The following TRPC3 variants were observed in gnomAD, a reference collection of about 807,000 sequenced individuals.
TRPC3 encodes short transient receptor potential channel 3.
Under a neutral mutation model 90.9 loss-of-function variants are expected in TRPC3, and 54 were observed. That is an observed-to-expected ratio of 0.59 (90% confidence interval 0.48 to 0.75). TRPC3 has a LOEUF of 0.75. TRPC3 is among the 30% of genes least tolerant of loss of function. The probability of loss-of-function intolerance (pLI) is 0.00; values close to 1 mark genes in which losing one functional copy is unlikely to be tolerated. For synonymous variants in TRPC3, 424 were observed against 450.9 expected, an observed-to-expected ratio of 0.94 and a Z score of 0.75; for missense variants, 918 against 1,194.5, an observed-to-expected ratio of 0.77 and a Z score of 3.41.
chr4:121,927,577 T>C (rs993986230), intron 2 of TRPC3, among the ~76,000 whole-genome samples: 4 of 152,194 alleles, frequency 2.6e-5, no homozygotes, highest in Non-Finnish European at 5.9e-5. Flanking sequence ...AAAAGACATG[T>C]GAAAAATTTC....
chr4:121,916,980 G>A (rs1236049898), intron 3 of TRPC3, among the ~76,000 whole-genome samples: 2 of 152,122 alleles, frequency 1.3e-5, no homozygotes, highest in Non-Finnish European at 2.9e-5. Flanking sequence ...CTCTGAAAGT[G>A]CTGGGATTAC....
rs79997325 is a variant in TRPC3 at position 121,879,232 on chromosome 4, A to T, written c.*504T>A. ...TTGTAAAATGTCTTCAGTTTCTATT[A>T]AAAAAAAAAAAAAAAAACCTCTTCA... is the stretch of plus-strand genomic sequence containing the variant. On this transcript the variant is annotated 3_prime_UTR_variant, in exon 12 of 12. Coordinates refer to ENST00000379645, the MANE Select transcript of TRPC3 (RefSeq NM_001130698.2). The T allele has an allele frequency of 3.2e-5, 3 of 94,868 alleles. No individual in the cohort carries two copies. The highest frequency in any genetic ancestry group is 2.7e-4 in the South Asian group (1 of 3,646). 5.9% of individuals were successfully genotyped at this position (94,868 alleles called of 1,614,324 possible). A position where few individuals can be genotyped will look rare whatever the true frequency, so the allele number is the denominator to read the frequency against.
rs1399164212 is a variant in TRPC3 at position 121,932,121 on chromosome 4, G to A, written c.987+150C>T. 4 of 1,242,662 alleles carry A rather than the reference G, an allele frequency of 3.2e-6. No homozygotes were observed. Among genetic ancestry groups the A allele is most frequent in the African/African-American group, 3.0e-5 (2 of 65,850 alleles). The allele number at this position is 1,242,662 out of a possible 1,614,324, so 77.0% of individuals were successfully genotyped here. ...ATTGAGAGGGAGAAAGAAAACATTA[G>A]ATGAGGTCTGAATGACGTTCTCAGT... On this transcript the variant is annotated intron_variant, in intron 2 of 11. Transcript: ENST00000379645. The surrounding 1 kb of genome is among the most constrained non-coding windows in gnomAD (Gnocchi z 7.7).
At chr4:121,914,209 C>G (rs1473280830) in intron 4 of TRPC3, among the ~76,000 whole-genome samples, 1 of 152,182 alleles carries the variant, frequency 6.6e-6, no homozygotes, top group Non-Finnish European at 1.5e-5. Context: ...ATCTAAAACC[C>G]CTGAACCTAA....
At chr4:121,884,105 C>T (rs1159534112) in intron 10 of TRPC3, among the ~76,000 whole-genome samples, 2 of 152,104 alleles carry the variant, frequency 1.3e-5, no homozygotes, top group Admixed American at 6.6e-5. Context: ...GAAATTAATG[C>T]ACCATAGCCA....
At chr4:121,911,771 T>C in intron 5 of TRPC3, 106 bp downstream of exon 5, 5 of 1,134,446 alleles carry the variant, frequency 4.4e-6, no homozygotes, top group Non-Finnish European at 6.1e-6. Flanking sequence ...AACAGTGATG[T>C]TGTCACCATA....
chr4:121,915,487 A>G (rs1417060794), intron 3 of TRPC3, among the ~76,000 whole-genome samples: 1 of 152,196 alleles, frequency 6.6e-6, no homozygotes, highest in African/African-American at 2.4e-5. Flanking sequence ...AAAATAATCA[A>G]TTGAACTTGC....
At chr4:121,920,489 A>T (rs912316215) in intron 3 of TRPC3, among the ~76,000 whole-genome samples, 3 of 152,116 alleles carry the variant, frequency 2.0e-5, no homozygotes, top group Admixed American at 1.3e-4. Context: ...TCGCCACTGC[A>T]CTCAAGCCTG....
intron 10 of TRPC3, 102 bp from the exon 11 acceptor site, chr4:121,882,531 G>A: frequency 2.0e-6 from 2 of 1,009,922 alleles, no homozygotes; most frequent in South Asian, 4.0e-5. Context: ...AACAACTCAG[G>A]GGAGAAAAAA....
chr4:121,904,328 T>C lies in TRPC3; in HGVS notation c.2247A>G (p.Glu749=). The part of the protein sequence containing the change: ...LIAMINSSYQ[E]IEDDSDVEWK... ...GGATAGAAAACCGATTTACCTCAATTTCTTGATATGAGCTATTAATCATAG... is the reference window on the plus strand; with the variant it reads ...GGATAGAAAACCGATTTACCTCAATCTCTTGATATGAGCTATTAATCATAG... Residue 749 remains glutamate (E), a synonymous_variant, in exon 8 of 12, where the codon GAA becomes GAG. Transcript: ENST00000379645. 6.3e-7 allele frequency: 1 copy of C among 1,596,972 alleles called. No individual in the cohort carries two copies. Among genetic ancestry groups the C allele is most frequent in the East Asian group, 2.2e-5 (1 of 44,544 alleles).
intron 3 of TRPC3, among the ~76,000 whole-genome samples, chr4:121,924,238 G>A (rs766709993): frequency 2.8e-4 from 43 of 152,110 alleles, no homozygotes; most frequent in Non-Finnish European, 4.7e-4. Context: ...TTGCTGCAAG[G>A]ATTCACATAA....
At chr4:121,927,257 G>T (rs757342397) in intron 2 of TRPC3, among the ~76,000 whole-genome samples, 7 of 152,246 alleles carry the variant, frequency 4.6e-5, no homozygotes, top group Middle Eastern at 6.8e-3. Flanking sequence ...CTGCCATAAG[G>T]AAGTCAGCTG....
intron 3 of TRPC3, among the ~76,000 whole-genome samples, chr4:121,921,150 C>G (rs530232793): frequency 2.4e-4 from 36 of 152,308 alleles, no homozygotes; most frequent in Admixed American, 5.9e-4. Flanking sequence ...AAGACCAGAT[C>G]TCTGGGAATC....
Position 121,932,926 on chromosome 4 carries a change from G to A in TRPC3, c.332C>T (p.Ala111Val). ...MFNDRGTSLT[A>V]EEERFLDAAE... is the part of the protein sequence containing the mutation. ...GGCGTCGAGGAAGCGCTCCTCCTCG[G>A]CGGTGAGGCTGGTGCCGCGGTCATT... The change falls in exon 2 of 12, where the codon GCC (alanine) becomes GTC (valine). Residue 111 changes from alanine to valine, a missense_variant. Physicochemically the swap from Ala to Val is moderately conservative, Grantham distance 64. This residue lies in a region of TRPC3 where 609 missense variants were observed against 725.9 expected (regional missense o/e 0.84). Transcript: ENST00000379645. This position sits in a 1 kb window ranked among gnomAD's most constrained non-coding sequence, Gnocchi z 7.7. 1 of 1,614,062 alleles carries A rather than the reference G, an allele frequency of 6.2e-7. No individual in the cohort carries two copies. The highest frequency in any genetic ancestry group is 1.6e-4 in the Middle Eastern group (1 of 6,062).
chr4:121,930,830 T>TTA (rs1729880234), intron 2 of TRPC3: 4 of 190,268 alleles, frequency 2.1e-5, no homozygotes, highest in South Asian at 4.5e-5. Flanking sequence ...CTCTGAGATC[T>TTA]AAAAAAAAAA....
In TRPC3 at chr4:121,907,351, A is replaced by G; in HGVS notation, c.2009T>C (p.Ile670Thr). The G allele has an allele frequency of 6.2e-7, 1 of 1,613,256 alleles. No homozygotes were observed. Among genetic ancestry groups the G allele is most frequent in the Non-Finnish European group, 8.5e-7 (1 of 1,179,432 alleles). ...AGCCCCAAGGTAGTAAGAATAAAGT[A>G]TGAACATGCCAATCATAAAGGCAAA... ...VFFAFMIGMF[I>T]LYSYYLGAKV... is the part of the protein sequence containing the mutation. Residue 670 changes from isoleucine (I) to threonine (T), a missense_variant, in exon 7 of 12, where the codon ATA becomes ACA. By Grantham distance (89) the Ile-to-Thr change is moderately conservative (BLOSUM62 -1). Transcript: ENST00000379645.
At chr4:121,947,042 T>A (rs1228324766) in intron 1 of TRPC3, among the ~76,000 whole-genome samples, 1 of 151,138 alleles carries the variant, frequency 6.6e-6, no homozygotes, top group Non-Finnish European at 1.5e-5. Flanking sequence ...AAGTAGTCAG[T>A]TATGGTAGTG....
chr4:121,879,742 A>T lies in TRPC3; in HGVS notation c.2760T>A (p.Cys920Ter). ...CCAAATCCAGGTTGCTGCATCATTCACATCTCAGCATGCTGGGATTCAGTT... is the reference window on the plus strand; with the variant it reads ...CCAAATCCAGGTTGCTGCATCATTCTCATCTCAGCATGCTGGGATTCAGTT... ...SEKLNPSMLR[C>*]E The change falls in exon 12 of 12, where the codon TGT (cysteine) becomes TGA (stop). Residue 920 changes from cysteine to a stop codon, truncating the protein, a stop_gained. Transcript: ENST00000379645. LOFTEE classifies it high-confidence loss of function. The T allele has an allele frequency of 6.2e-7, 1 of 1,610,154 alleles. No individual in the cohort carries two copies. Among genetic ancestry groups the T allele is most frequent in the Non-Finnish European group, 8.5e-7 (1 of 1,178,676 alleles).
rs34252770 is a variant in TRPC3, at chr4:121,935,419, G to GGTGT, written c.216-2381_216-2378dup. Among the ~76,000 whole-genome samples, 294 of 147,332 alleles carry GGTGT rather than the reference G, an allele frequency of 2.0e-3. 1 individual carries two copies. The highest frequency in any genetic ancestry group is 6.5e-3 in the African/African-American group (257 of 39,808). Reference sequence around the variant, plus strand: ...AGTCTGAGTTGGGGGACATGTGTGGGGTGTGTGTGTGTGTGTGTGTGTGTG... The same window carrying GGTGT: ...AGTCTGAGTTGGGGGACATGTGTGGGGTGTGTGTGTGTGTGTGTGTGTGTGTGTG... On this transcript the variant is annotated intron_variant, in intron 1 of 11. Transcript: ENST00000379645.
Sources: gnomAD v4.1 joint callset for allele counts (sites outside exome capture counted in the v4.1 genomes callset) on GRCh38, gnomAD v4.1.1 for gene constraint, gnomAD v4.1.1 regional missense constraint, Gnocchi (gnomAD v3.1) non-coding constraint, MANE v1.5 for transcripts, NCBI Gene and HGNC (gene_info 2026-07-23, HGNC 2026-07-21) for gene names.